The following DLGAP2 variants were observed in gnomAD, a reference collection of about 807,000 sequenced individuals.
DLGAP2 encodes disks large-associated protein 2.
Under a neutral mutation model 100.3 loss-of-function variants are expected in DLGAP2, and 26 were observed. The ratio of observed to expected loss-of-function variants is 0.26; its 90% CI spans 0.19 to 0.36. The LOEUF is 0.36. Ranked by LOEUF, DLGAP2 falls within the 10% of genes least tolerant of loss-of-function variation. The pLI is 1.00. For synonymous variants in DLGAP2, 886 were observed against 630.1 expected (o/e 1.41, Z -6.08); for missense variants, 1,858 against 1,453.2 (o/e 1.28, Z -4.53).
At chr8:1,423,744 G>A (rs1271617036) in intron 3 of DLGAP2, among the ~76,000 whole-genome samples, 1 of 152,210 alleles carries the variant, frequency 6.6e-6, no homozygotes, top group African/African-American at 2.4e-5. Flanking sequence ...AGAGGCGGGT[G>A]GGGAAGACAG....
chr8:897,457 G>A (rs1798164670), intron 1 of DLGAP2, among the ~76,000 whole-genome samples: 1 of 152,236 alleles, frequency 6.6e-6, no homozygotes, highest in African/African-American at 2.4e-5. Context: ...GGACATTTCA[G>A]CGATGCTTCC....
chr8:828,603 G>T (rs946642369), intron 1 of DLGAP2, among the ~76,000 whole-genome samples: 3 of 152,124 alleles, frequency 2.0e-5, no homozygotes, highest in African/African-American at 4.8e-5. Flanking sequence ...AATTATTACA[G>T]GGTCCTGAGA....
intron 3 of DLGAP2, among the ~76,000 whole-genome samples, chr8:1,334,957 G>A (rs1315191633): frequency 6.6e-6 from 1 of 152,120 alleles, no homozygotes; most frequent in East Asian, 1.9e-4. Flanking sequence ...CAGTATCCCG[G>A]GACCCAGCCC....
At chr8:1,627,421 G>T (rs910053036) in intron 7 of DLGAP2, among the ~76,000 whole-genome samples, 2 of 152,218 alleles carry the variant, frequency 1.3e-5, no homozygotes, top group African/African-American at 2.4e-5. Context: ...TTAAAATCAG[G>T]TGCCTGAGAC....
chr8:928,162 G>C (rs781260723), intron 2 of DLGAP2, among the ~76,000 whole-genome samples: 1 of 152,162 alleles, frequency 6.6e-6, no homozygotes, highest in Non-Finnish European at 1.5e-5. Flanking sequence ...TCATAGACAC[G>C]GATGTACTGA....
At chr8:1,665,991 G>C (rs953795670) in intron 8 of DLGAP2, among the ~76,000 whole-genome samples, 1 of 152,188 alleles carries the variant, frequency 6.6e-6, no homozygotes, top group East Asian at 1.9e-4. Flanking sequence ...GCCAGGAAAG[G>C]CGTCATCAGA....
chr8:873,710 CT>C (rs1158380187), intron 1 of DLGAP2, among the ~76,000 whole-genome samples: 1 of 151,948 alleles, frequency 6.6e-6, no homozygotes, highest in East Asian at 1.9e-4. Context: ...GAAGTACCTG[CT>C]TTTTTTCCAT....
rs1448896585 is a variant in DLGAP2, at chr8:1,184,098, G to A, written c.74-74753G>A. Among the ~76,000 whole-genome samples the A allele has an allele frequency of 2.0e-5, 3 of 152,196 alleles. No individual in the cohort carries two copies. In the East Asian group the frequency reaches 5.8e-4, roughly 29 times the overall value. ...GTGTGTTTGCGTTGTGTTTGGGGAA[G>A]CAGCGTGTTTGCATTGTGTTTAAAG... On this transcript the variant is annotated intron_variant, in intron 2 of 14. Coordinates refer to ENST00000637795, the MANE Select transcript of DLGAP2 (RefSeq NM_001346810.2).
intron 3 of DLGAP2, among the ~76,000 whole-genome samples, chr8:1,383,660 C>T (rs375954977): frequency 6.6e-6 from 1 of 152,196 alleles, no homozygotes; most frequent in South Asian, 2.1e-4. Context: ...GGGGCTGGGA[C>T]AGGTGCCGTC....
At chr8:1,518,363 G>A (rs1800468945) in intron 4 of DLGAP2, among the ~76,000 whole-genome samples, 1 of 152,158 alleles carries the variant, frequency 6.6e-6, no homozygotes, top group African/African-American at 2.4e-5. Context: ...TGTCGGTTCT[G>A]TGGCTGTGGC....
At chr8:1,676,991 A>C (rs980636072) in intron 11 of DLGAP2, among the ~76,000 whole-genome samples, 6 of 152,254 alleles carry the variant, frequency 3.9e-5, no homozygotes, top group Admixed American at 6.5e-5. Flanking sequence ...AGCACGTTCA[A>C]GGCCTTCATA....
chr8:1,279,565 A>G (rs1468937837), intron 3 of DLGAP2, among the ~76,000 whole-genome samples: 1 of 152,218 alleles, frequency 6.6e-6, no homozygotes, highest in Non-Finnish European at 1.5e-5. Context: ...TTAGCAGTGG[A>G]AAACAACACA....
intron 3 of DLGAP2, among the ~76,000 whole-genome samples, chr8:1,355,280 C>T (rs1801822097): frequency 6.6e-6 from 1 of 152,220 alleles, no homozygotes; most frequent in Non-Finnish European, 1.5e-5. Context: ...TGTGTGTTAA[C>T]AGGCAGTAAC....
At chr8:863,728 A>G (rs1797437956) in intron 1 of DLGAP2, among the ~76,000 whole-genome samples, 1 of 152,214 alleles carries the variant, frequency 6.6e-6, no homozygotes, top group South Asian at 2.1e-4. Context: ...AAGACAGCAG[A>G]TGCCAGTGCG....
rs1799955370 is a variant in DLGAP2, at chr8:1,287,496, GGT to G, written c.106+28614_106+28615del. Among the ~76,000 whole-genome samples, 114 of 69,924 alleles carry G rather than the reference GGT, an allele frequency of 1.6e-3. 2 individuals carry two copies. Among genetic ancestry groups the G allele is most frequent in the South Asian group, 2.3e-3 (4 of 1,764 alleles). The allele number at this position is 69,924 out of a possible 152,430, so 45.9% of individuals were successfully genotyped here. On this transcript the variant is annotated intron_variant, in intron 3 of 14. Coordinates refer to ENST00000637795, the MANE Select transcript of DLGAP2 (RefSeq NM_001346810.2). ...CGTGTGTGTGTGTGTGTGTGTGTGT[GGT>G]TCTGTTAGGAGGGGAACTAGTTTTG...
intron 1 of DLGAP2, among the ~76,000 whole-genome samples, chr8:740,871 A>G (rs1370263334): frequency 6.6e-6 from 1 of 152,190 alleles, no homozygotes; most frequent in African/African-American, 2.4e-5. Flanking sequence ...GACCCTCAGG[A>G]TGGATGCTCC....
chr8:1,578,024 C>G (rs1490822653), intron 6 of DLGAP2, among the ~76,000 whole-genome samples: 1 of 152,134 alleles, frequency 6.6e-6, no homozygotes, highest in Admixed American at 6.5e-5. Context: ...TATCTTATAC[C>G]CAAAGTCTGC....
intron 6 of DLGAP2, among the ~76,000 whole-genome samples, chr8:1,613,051 C>G (rs1253602544): frequency 1.6e-5 from 2 of 128,168 alleles, no homozygotes; most frequent in Non-Finnish European, 1.6e-5. Flanking sequence ...GGTATATACC[C>G]AAAGGACTAT....
At chr8:1,601,511 G>A (rs757951805) in intron 6 of DLGAP2, among the ~76,000 whole-genome samples, 1 of 152,174 alleles carries the variant, frequency 6.6e-6, no homozygotes, top group Non-Finnish European at 1.5e-5. Context: ...CCAGAGAGAT[G>A]GGAGTTTTAT....
Sources: gnomAD v4.1 joint callset for allele counts (sites outside exome capture counted in the v4.1 genomes callset) on GRCh38, gnomAD v4.1.1 for gene constraint, MANE v1.5 for transcripts, NCBI Gene and HGNC (gene_info 2026-07-23, HGNC 2026-07-21) for gene names.